RGL1: variants seen among roughly 807,000 people sequenced by gnomAD.
The protein encoded by RGL1 is ral guanine nucleotide dissociation stimulator like 1.
In RGL1, 24 loss-of-function variants were observed where a neutral mutation model predicts 95.2. The observed-to-expected ratio is 0.25, with a 90% CI of 0.18 to 0.35. The LOEUF (loss-of-function observed/expected upper bound fraction) is 0.35. RGL1 is among the 10% of genes least tolerant of loss of function. The pLI is 1.00. For missense variants in RGL1, 715 were observed against 936.3 expected (o/e 0.76, Z 3.08); for synonymous variants, 329 against 344.9 (o/e 0.95, Z 0.51).
intron 2 of RGL1, among the ~76,000 whole-genome samples, chr1:183,846,358 A>G (rs1664430093): frequency 1.3e-5 from 2 of 151,976 alleles, no homozygotes; most frequent in East Asian, 1.9e-4. Context: ...ACATATGGAC[A>G]CAGAGAGGGG....
At chr1:183,800,182 A>G (rs1162611608), upstream of RGL1, among the ~76,000 whole-genome samples, 1 of 152,176 alleles carries the variant, frequency 6.6e-6, no homozygotes, top group African/African-American at 2.4e-5. Context: ...TAATTTTTAT[A>G]TTTTTTAATT....
intron 2 of RGL1, among the ~76,000 whole-genome samples, chr1:183,748,287 C>T (rs1657770918): frequency 1.3e-5 from 2 of 150,778 alleles, no homozygotes; most frequent in African/African-American, 4.9e-5. Flanking sequence ...CTCCTGGATT[C>T]ATTGAGTTTT....
chr1:183,824,884 G>T (rs1315761271), intron 2 of RGL1, among the ~76,000 whole-genome samples: 1 of 64,546 alleles, frequency 1.5e-5, no homozygotes, highest in Non-Finnish European at 3.8e-5. Context: ...TCTGACACCT[G>T]TACAAGAAAT....
intron 14 of RGL1, among the ~76,000 whole-genome samples, chr1:183,907,338 T>C (rs1227059078): frequency 1.3e-5 from 2 of 152,220 alleles, no homozygotes; most frequent in Non-Finnish European, 2.9e-5. Flanking sequence ...AGTAACATCT[T>C]CACTGTCTTC....
At chr1:183,742,927 A>G (rs1196323076) in intron 2 of RGL1, among the ~76,000 whole-genome samples, 1 of 152,256 alleles carries the variant, frequency 6.6e-6, no homozygotes, top group Non-Finnish European at 1.5e-5. Context: ...GTTATTAACC[A>G]GATCATGGAA....
rs1215807134 is a variant in RGL1 at position 183,805,206 on chromosome 1, G to C, written c.-92G>C. 6.5e-7 allele frequency: 1 copy of C among 1,545,814 alleles called. No individual in the cohort carries two copies. The highest frequency in any genetic ancestry group is 8.7e-7 in the Non-Finnish European group (1 of 1,143,990). ...GGTCGCTCGGGACCGGGACCGGGGC[G>C]AGGCGCCGCGGGGCTGAGCCCAGCA... On this transcript the variant is annotated 5_prime_UTR_variant, in exon 1 of 18. Coordinates refer to ENST00000360851, the MANE Select transcript of RGL1 (RefSeq NM_001297671.3).
intron 1 of RGL1, among the ~76,000 whole-genome samples, chr1:183,690,317 A>C (rs1249348136): frequency 6.6e-6 from 1 of 152,212 alleles, no homozygotes; most frequent in Non-Finnish European, 1.5e-5. Context: ...GAGAATTCTC[A>C]GCTTTGAAAG....
intron 2 of RGL1, among the ~76,000 whole-genome samples, chr1:183,821,746 C>T (rs903077505): frequency 6.6e-6 from 1 of 152,124 alleles, no homozygotes; most frequent in Non-Finnish European, 1.5e-5. Flanking sequence ...CCTGTGTGCT[C>T]AACCCTAAAG....
intron 15 of RGL1, among the ~76,000 whole-genome samples, chr1:183,914,690 G>C (rs1668857633): frequency 6.6e-6 from 1 of 152,080 alleles, no homozygotes; most frequent in Non-Finnish European, 1.5e-5. Context: ...TTTTGCACTT[G>C]CTCCTCACTT....
chr1:183,794,295 AG>A (rs1275571523), intron 2 of RGL1, among the ~76,000 whole-genome samples: 4 of 152,160 alleles, frequency 2.6e-5, no homozygotes, highest in Admixed American at 6.6e-5. Flanking sequence ...AAAGGTGGAG[AG>A]GGGGATGAAG....
intron 1 of RGL1, chr1:183,647,926 C>CT (rs1650421130): frequency 5.0e-6 from 8 of 1,614,150 alleles, no homozygotes; most frequent in Non-Finnish European, 6.8e-6. Flanking sequence ...GCCCTGAGGT[C>CT]TGGAGGTAGG....
chr1:183,813,787 C>T (rs1181925230), intron 2 of RGL1, among the ~76,000 whole-genome samples: 1 of 152,202 alleles, frequency 6.6e-6, no homozygotes, highest in Non-Finnish European at 1.5e-5. Flanking sequence ...TAAAGGCTCA[C>T]TCTGATTGCT....
At chr1:183,914,737 C>A (rs1352432154) in intron 15 of RGL1, among the ~76,000 whole-genome samples, 1 of 152,150 alleles carries the variant, frequency 6.6e-6, no homozygotes, top group Non-Finnish European at 1.5e-5. Flanking sequence ...GCTCATCAGG[C>A]AGTCTGTTTA....
At chr1:183,755,181 G>T (rs1022394249) in intron 2 of RGL1, among the ~76,000 whole-genome samples, 21 of 151,666 alleles carry the variant, frequency 1.4e-4, no homozygotes, top group African/African-American at 5.1e-4. Context: ...TCAGAAAGTG[G>T]CATCTAGATA....
At chr1:183,894,784 T>C (rs1240014387) in intron 9 of RGL1, among the ~76,000 whole-genome samples, 1 of 152,200 alleles carries the variant, frequency 6.6e-6, no homozygotes, top group East Asian at 1.9e-4. Context: ...TGACCTAACT[T>C]CTCTTCTTCT....
intron 2 of RGL1, among the ~76,000 whole-genome samples, chr1:183,810,044 G>A (rs1661603747): frequency 6.6e-6 from 1 of 152,126 alleles, no homozygotes. Context: ...TTTGTCTTTG[G>A]TCCCAGTGTT....
At chr1:183,833,380 T>C (rs1463750154) in intron 2 of RGL1, among the ~76,000 whole-genome samples, 1 of 152,160 alleles carries the variant, frequency 6.6e-6, no homozygotes. Flanking sequence ...CAAAGGGTAA[T>C]CAATAGAGAT....
chr1:183,641,554 G>C (rs974752032), intron 1 of RGL1, among the ~76,000 whole-genome samples: 37 of 151,630 alleles, frequency 2.4e-4, no homozygotes, highest in African/African-American at 8.7e-4. Flanking sequence ...ACAGGCATGA[G>C]CCCCCCCCAC....
intron 2 of RGL1, among the ~76,000 whole-genome samples, chr1:183,794,230 A>T (rs1660584245): frequency 6.6e-6 from 1 of 152,108 alleles, no homozygotes; most frequent in South Asian, 2.1e-4. Context: ...GTGGGAGCTA[A>T]AAAAAAGTTA....
Sources: allele counts gnomAD v4.1 joint callset (sites outside exome capture counted in the v4.1 genomes callset), GRCh38; gene constraint gnomAD v4.1.1; transcripts MANE v1.5; gene names NCBI Gene and HGNC (gene_info 2026-07-23, HGNC 2026-07-21).